Variants in GPHN observed in about 807,000 individuals in gnomAD.
The protein encoded by GPHN is gephyrin.
GPHN carries 17 observed loss-of-function variants against 95.5 expected under a neutral mutation model. The observed-to-expected ratio is 0.18, with a 90% CI of 0.12 to 0.27. The LOEUF (loss-of-function observed/expected upper bound fraction) is 0.27, where lower values mean the gene tolerates loss of function less well. GPHN is among the 10% of genes least tolerant of loss of function. GPHN has a pLI of 1.00. For missense variants in GPHN, 660 were observed against 978.1 expected (o/e 0.67, Z 4.34); for synonymous variants, 320 against 322.5 (o/e 0.99, Z 0.08).
At chr14:67,031,776 C>T (rs572770154) in intron 10 of GPHN, among the ~76,000 whole-genome samples, 2 of 151,722 alleles carry the variant, frequency 1.3e-5, no homozygotes, top group Admixed American at 6.6e-5. Context: ...AAGTACTATT[C>T]GCTATTCAAT....
chr14:67,323,636 A>ATATATATC, the GPHN span: 151 of 434,830 alleles, frequency 3.5e-4, 1 homozygote, highest in African/African-American at 2.8e-3. Context: ...ATATATATAT[A>ATATATATC]TCAGTATTAT....
chr14:67,071,347 G>A (rs2076298635), intron 11 of GPHN, among the ~76,000 whole-genome samples: 1 of 152,116 alleles, frequency 6.6e-6, no homozygotes, highest in Admixed American at 6.5e-5. Flanking sequence ...CATGAATGAA[G>A]CTGGAAACCA....
At chr14:67,175,574 T>A (rs142043216) in intron 21 of GPHN, among the ~76,000 whole-genome samples, 3 of 152,174 alleles carry the variant, frequency 2.0e-5, no homozygotes, top group African/African-American at 7.2e-5. Flanking sequence ...CTTTTTTGGT[T>A]CCATATGAAC....
the GPHN span, among the ~76,000 whole-genome samples, chr14:67,236,509 C>A: frequency 6.6e-6 from 1 of 152,132 alleles, no homozygotes; most frequent in Non-Finnish European, 1.5e-5. Context: ...ATTTCAGTGC[C>A]TATAGCACAA....
chr14:67,626,099 C>T, the GPHN span, among the ~76,000 whole-genome samples: 1 of 151,928 alleles, frequency 6.6e-6, no homozygotes, highest in Non-Finnish European at 1.5e-5. Context: ...CTAAAAAATA[C>T]AAAAATTAGC....
At chr14:67,285,549 T>C in the GPHN span, among the ~76,000 whole-genome samples, 19 of 151,666 alleles carry the variant, frequency 1.3e-4, no homozygotes, top group Non-Finnish European at 2.5e-4. Context: ...TTGTATGTTT[T>C]TAGTAGAGAT....
chr14:67,496,398 T>TTTTTG, the GPHN span, among the ~76,000 whole-genome samples: 3 of 120,874 alleles, frequency 2.5e-5, no homozygotes, highest in South Asian at 6.7e-4. Context: ...GGCGTTTTTT[T>TTTTTG]TTTTTTTTTT....
intron 11 of GPHN, among the ~76,000 whole-genome samples, chr14:67,074,967 A>G (rs1231646644): frequency 1.3e-5 from 2 of 152,208 alleles, no homozygotes; most frequent in African/African-American, 4.8e-5. Flanking sequence ...CAGAAGATCT[A>G]TCTAAGATCA....
chr14:66,929,268 G>A (rs1200582339), intron 8 of GPHN, among the ~76,000 whole-genome samples: 3 of 151,888 alleles, frequency 2.0e-5, no homozygotes, highest in Non-Finnish European at 4.4e-5. Context: ...TGGCCAGGCT[G>A]ATCTCGAACT....
the GPHN span, chr14:67,571,847 C>T: frequency 3.7e-6 from 6 of 1,613,850 alleles, no homozygotes; most frequent in Non-Finnish European, 5.1e-6. Flanking sequence ...TCTCGGTCCC[C>T]TCCTCTGAGT....
At chr14:67,633,813 C>T in the GPHN span, among the ~76,000 whole-genome samples, 90 of 152,338 alleles carry the variant, frequency 5.9e-4, no homozygotes, top group African/African-American at 1.9e-3. Flanking sequence ...TGAAGGCATT[C>T]TCTCCTCCTC....
the GPHN span, among the ~76,000 whole-genome samples, chr14:67,711,670 T>G: frequency 2.6e-5 from 4 of 152,336 alleles, no homozygotes; most frequent in East Asian, 5.8e-4. Context: ...CTTTCCTATC[T>G]TAGACTTCCA....
chr14:67,587,057 C>T, the GPHN span: 1 of 1,570,970 alleles, frequency 6.4e-7, no homozygotes. Flanking sequence ...TCCTTCACAT[C>T]TCTGACCTCC....
chr14:67,342,557 C>CT, the GPHN span, among the ~76,000 whole-genome samples: 9,933 of 136,898 alleles, frequency 0.073, 427 homozygotes, highest in Non-Finnish European at 0.1. Context: ...ACGAATTATC[C>CT]TTTTTTTTTT....
At chr14:67,502,483 T>C in the GPHN span, among the ~76,000 whole-genome samples, 1 of 149,588 alleles carries the variant, frequency 6.7e-6, no homozygotes, top group Non-Finnish European at 1.5e-5. Flanking sequence ...GACTGAGTTT[T>C]GCTTTGTTGT....
the GPHN span, among the ~76,000 whole-genome samples, chr14:67,298,254 A>G: frequency 1.3e-5 from 2 of 152,184 alleles, no homozygotes; most frequent in Non-Finnish European, 2.9e-5. Context: ...ATTTATTAGT[A>G]TCAAGTCAAA....
chr14:66,759,293 G>A lies in GPHN; in HGVS notation c.144-17171G>A, dbSNP rs1010351450. The stretch of plus-strand genomic sequence containing the variant: ...GACATTCTTTACTCACCACAGGTTA[G>A]GAACCCTGTATAGGGACTGTGTAGA... On this transcript the variant is annotated intron_variant, in intron 2 of 22. Transcript: ENST00000478722. Among the ~76,000 whole-genome samples the A allele has an allele frequency of 2.6e-5, 4 of 152,246 alleles. No homozygotes were observed. In the East Asian group the frequency reaches 5.8e-4, roughly 22 times the overall value.
At chr14:67,494,008 C>T in the GPHN span, among the ~76,000 whole-genome samples, 2 of 152,042 alleles carry the variant, frequency 1.3e-5, no homozygotes, top group Non-Finnish European at 2.9e-5. Context: ...AAGTAACAGT[C>T]CACAGGAAAG....
the GPHN span, among the ~76,000 whole-genome samples, chr14:67,266,985 T>G: frequency 6.6e-6 from 1 of 151,874 alleles, no homozygotes; most frequent in East Asian, 2.0e-4. Context: ...GGCCCATTCC[T>G]GTACCCACCT....
Sources: gnomAD v4.1 joint callset for allele counts (sites outside exome capture counted in the v4.1 genomes callset) on GRCh38, gnomAD v4.1.1 for gene constraint, MANE v1.5 for transcripts, NCBI Gene and HGNC (gene_info 2026-07-23, HGNC 2026-07-21) for gene names.